CTNNA2: variants seen among roughly 807,000 people sequenced by gnomAD.
CTNNA2 encodes catenin alpha 2.
A neutral mutation model predicts 101.0 loss-of-function variants in CTNNA2; 42 were observed. That is an observed-to-expected ratio of 0.42 (90% confidence interval 0.32 to 0.54). CTNNA2 has a LOEUF of 0.54. Among genes scored for constraint, CTNNA2 ranks in the 20% least tolerant of loss-of-function variants. CTNNA2 has a pLI of 0.14. For missense variants in CTNNA2, 871 were observed against 1,223.1 expected, an observed-to-expected ratio of 0.71 and a Z score of 4.29; for synonymous variants, 450 against 456.4, an observed-to-expected ratio of 0.99 and a Z score of 0.18.
intron 7 of CTNNA2, among the ~76,000 whole-genome samples, chr2:80,046,973 T>G (rs1696572551): frequency 6.6e-6 from 1 of 152,184 alleles, no homozygotes; most frequent in Non-Finnish European, 1.5e-5. Flanking sequence ...TGTAGGATGT[T>G]TAGCAGCTTC....
chr2:80,531,369 C>T (rs1210094400), intron 9 of CTNNA2, among the ~76,000 whole-genome samples: 1 of 152,140 alleles, frequency 6.6e-6, no homozygotes, highest in African/African-American at 2.4e-5. Context: ...ACTGCTAAAG[C>T]CAGGAATGGA....
chr2:79,264,079 A>G (rs1674959043), intron 2 of CTNNA2, among the ~76,000 whole-genome samples: 1 of 152,188 alleles, frequency 6.6e-6, no homozygotes, highest in African/African-American at 2.4e-5. Flanking sequence ...TGAGTGGAAC[A>G]ATGTTTGTTT....
At chr2:79,961,150 A>G (rs2104530585) in intron 7 of CTNNA2, among the ~76,000 whole-genome samples, 1 of 152,348 alleles carries the variant, frequency 6.6e-6, no homozygotes, top group African/African-American at 2.4e-5. Context: ...TATTTAAGAT[A>G]GTGAGCTTTT....
At chr2:80,098,864 A>G (rs182380258) in intron 7 of CTNNA2, among the ~76,000 whole-genome samples, 1 of 152,296 alleles carries the variant, frequency 6.6e-6, no homozygotes, top group Non-Finnish European at 1.5e-5. Context: ...AAAGCGCAGT[A>G]TTCGGGTGGA....
intron 4 of CTNNA2, among the ~76,000 whole-genome samples, chr2:79,494,849 G>T (rs1671238730): frequency 6.6e-6 from 1 of 152,028 alleles, no homozygotes; most frequent in South Asian, 2.1e-4. Flanking sequence ...GGTGGCTCAC[G>T]TCTGTAATTC....
intron 7 of CTNNA2, among the ~76,000 whole-genome samples, chr2:80,244,893 A>T (rs942116464): frequency 6.6e-6 from 1 of 152,188 alleles, no homozygotes; most frequent in East Asian, 1.9e-4. Flanking sequence ...ACGAAAATCC[A>T]CATGGAAAAT....
intron 2 of CTNNA2, among the ~76,000 whole-genome samples, chr2:79,279,042 T>C (rs1010314872): frequency 8.5e-5 from 13 of 152,122 alleles, no homozygotes; most frequent in Admixed American, 5.9e-4. Context: ...TGTGGAGAGA[T>C]GGAACAGGGA....
intron 18 of CTNNA2, among the ~76,000 whole-genome samples, chr2:80,626,585 A>C (rs1324635787): frequency 1.3e-5 from 2 of 152,136 alleles, no homozygotes; most frequent in African/African-American, 4.8e-5. Flanking sequence ...GATGCCACTA[A>C]ATAAAGAGAA....
intron 18 of CTNNA2, among the ~76,000 whole-genome samples, chr2:80,628,231 A>C (rs1671893154): frequency 6.6e-6 from 1 of 151,986 alleles, no homozygotes; most frequent in Non-Finnish European, 1.5e-5. Context: ...TCAAGCTACC[A>C]TTGACTTTCT....
intron 7 of CTNNA2, among the ~76,000 whole-genome samples, chr2:80,129,445 T>C (rs1248231983): frequency 6.6e-6 from 1 of 152,176 alleles, no homozygotes; most frequent in Non-Finnish European, 1.5e-5. Context: ...TTCATGGTCA[T>C]CACGGGTGTT....
At chr2:79,928,205 G>C (rs1009161909) in intron 7 of CTNNA2, among the ~76,000 whole-genome samples, 2 of 152,096 alleles carry the variant, frequency 1.3e-5, no homozygotes, top group Admixed American at 6.6e-5. Context: ...GTCTAAGTGT[G>C]ATCTGTTACC....
At chr2:79,428,530 C>G (rs1391196601) in intron 4 of CTNNA2, among the ~76,000 whole-genome samples, 7 of 151,864 alleles carry the variant, frequency 4.6e-5, no homozygotes, top group African/African-American at 9.7e-5. Flanking sequence ...GGGCCGCTGA[C>G]TGGAAAATGA....
intron 4 of CTNNA2, among the ~76,000 whole-genome samples, chr2:79,471,035 G>A (rs1670993164): frequency 6.6e-6 from 1 of 152,144 alleles, no homozygotes; most frequent in South Asian, 2.1e-4. Flanking sequence ...TAGAATTGAA[G>A]GTTTGTAACA....
intron 2 of CTNNA2, among the ~76,000 whole-genome samples, chr2:79,686,341 T>C (rs1213432264): frequency 6.6e-6 from 1 of 152,186 alleles, no homozygotes; most frequent in East Asian, 1.9e-4. Context: ...CACTAATTCC[T>C]GTGGCCGAAG....
intron 7 of CTNNA2, among the ~76,000 whole-genome samples, chr2:80,031,480 C>G (rs1015039491): frequency 6.6e-6 from 1 of 152,138 alleles, no homozygotes; most frequent in Non-Finnish European, 1.5e-5. Context: ...GGAAACTCAC[C>G]CTTGTAAAAG....
intron 1 of CTNNA2, among the ~76,000 whole-genome samples, chr2:79,519,791 C>T (rs12619117): frequency 6.6e-6 from 1 of 152,154 alleles, no homozygotes; most frequent in East Asian, 1.9e-4. Context: ...CTTTTCTTAT[C>T]TCTCCATCCT....
Position 79,592,339 on chromosome 2 carries a change from C to A in CTNNA2, c.-5-59213C>A, listed in dbSNP as rs539944474. On this transcript the variant is annotated intron_variant, in intron 1 of 18. Coordinates refer to ENST00000402739, the MANE Select transcript of CTNNA2 (RefSeq NM_001282597.3). The stretch of plus-strand genomic sequence containing the variant: ...TAGAGATGGGGTTTCACCATGTTGA[C>A]CAGGCTGATCTCGAACTCCTGACCT... Among the ~76,000 whole-genome samples, 4 of 151,964 alleles carry A rather than the reference C, an allele frequency of 2.6e-5. No homozygotes were observed. The East Asian group carries it at 7.8e-4, about 29-fold the overall frequency.
intron 2 of CTNNA2, among the ~76,000 whole-genome samples, chr2:79,696,988 G>T (rs1684691583): frequency 6.6e-6 from 1 of 151,834 alleles, no homozygotes; most frequent in Non-Finnish European, 1.5e-5. Flanking sequence ...AAATTATAAA[G>T]TTGGAGGGTC....
chr2:80,562,214 T>G (rs1034487458), intron 12 of CTNNA2, among the ~76,000 whole-genome samples: 18 of 152,284 alleles, frequency 1.2e-4, no homozygotes, highest in Admixed American at 1.2e-3. Flanking sequence ...AAATATTTCC[T>G]ATACACTGGT....
Sources: allele counts gnomAD v4.1 joint callset (sites outside exome capture counted in the v4.1 genomes callset), GRCh38; gene constraint gnomAD v4.1.1; transcripts MANE v1.5; gene names NCBI Gene and HGNC (gene_info 2026-07-23, HGNC 2026-07-21).